Variants in BET1 observed in about 807,000 individuals in gnomAD.
BET1 encodes the protein Bet1 golgi vesicular membrane trafficking protein.
A neutral mutation model predicts 13.9 loss-of-function variants in BET1; 9 were observed. The ratio of observed to expected loss-of-function variants is 0.65; its 90% CI spans 0.39 to 1.13. BET1 has a LOEUF of 1.13. Ranked by LOEUF, BET1 falls within the 50% of genes most tolerant of loss-of-function variation. The pLI, the probability that BET1 is intolerant of heterozygous loss-of-function variation, is 0.01. For synonymous variants in BET1, 39 were observed against 47.3 expected (o/e 0.82, Z 0.72); for missense variants, 127 against 133.6 (o/e 0.95, Z 0.24).
intron 5 of BET1, among the ~76,000 whole-genome samples, chr7:93,974,632 G>A (rs1795308943): frequency 6.6e-6 from 1 of 151,928 alleles, no homozygotes; most frequent in Non-Finnish European, 1.5e-5. Context: ...ATAAGTATTT[G>A]AGTAGATACA....
chr7:93,978,961 C>T (rs909838873), intron 4 of BET1, among the ~76,000 whole-genome samples: 3 of 152,208 alleles, frequency 2.0e-5, no homozygotes, highest in East Asian at 1.9e-4. Context: ...ACTGTCTTCT[C>T]GTGTCTACCA....
At chr7:93,991,827 T>G (rs1795642863), downstream of BET1, 1 of 963,480 alleles carries the variant, frequency 1.0e-6, no homozygotes, top group Non-Finnish European at 1.2e-6. Flanking sequence ...GATGACATTA[T>G]TTATTATTTA....
At chr7:93,973,535 G>T (rs1381761945) in intron 5 of BET1, among the ~76,000 whole-genome samples, 1 of 151,862 alleles carries the variant, frequency 6.6e-6, no homozygotes, top group African/African-American at 2.4e-5. Context: ...TTTTCCATGT[G>T]AATTACTTGA....
At chr7:93,982,076 T>A (rs148210146) in intron 4 of BET1, among the ~76,000 whole-genome samples, 11 of 152,204 alleles carry the variant, frequency 7.2e-5, no homozygotes, top group Admixed American at 2.6e-4. Context: ...TGCTTAATTG[T>A]AGTGATGAAT....
chr7:94,004,087 T>C (rs1329261839), intron 1 of BET1, 111 bp downstream of exon 1: 2 of 1,490,064 alleles, frequency 1.3e-6, no homozygotes, highest in Admixed American at 1.7e-5. Context: ...CCTCTAGACA[T>C]CCTGTTTTTT....
At chr7:93,972,685 T>C (rs540058232) in intron 5 of BET1, 2 of 151,972 alleles carry the variant, frequency 1.3e-5, no homozygotes, top group South Asian at 4.2e-4. Flanking sequence ...TAAAATTGAA[T>C]ATTATTTTTT....
At chr7:93,967,635 A>G (rs1795195812) in intron 6 of BET1, among the ~76,000 whole-genome samples, 1 of 151,816 alleles carries the variant, frequency 6.6e-6, no homozygotes, top group Admixed American at 6.6e-5. Context: ...TCTATTAACA[A>G]TTCAAAGTGT....
At chr7:94,003,323 CT>C (rs1214095515) in intron 1 of BET1, among the ~76,000 whole-genome samples, 4 of 151,748 alleles carry the variant, frequency 2.6e-5, no homozygotes, top group African/African-American at 9.7e-5. Context: ...CTTTCACTGA[CT>C]TTAAATATCT....
intron 4 of BET1, among the ~76,000 whole-genome samples, chr7:93,986,604 G>T (rs909243730): frequency 6.6e-6 from 1 of 152,078 alleles, no homozygotes; most frequent in Non-Finnish European, 1.5e-5. Context: ...TCCCTGGTAA[G>T]ATGTCACCAC....
At chr7:93,999,733 G>A (rs778269987) in intron 1 of BET1, 2 of 456,022 alleles carry the variant, frequency 4.4e-6, no homozygotes, top group Non-Finnish European at 4.4e-6. Context: ...TAGCGGCGAG[G>A]GTTCTTTACT....
chr7:93,985,718 T>C (rs1795513795), intron 4 of BET1, among the ~76,000 whole-genome samples: 1 of 152,184 alleles, frequency 6.6e-6, no homozygotes, highest in African/African-American at 2.4e-5. Flanking sequence ...AATGTGCTTT[T>C]AACAGAGCAA....
chr7:93,997,814 A>G (rs1166078270), intron 2 of BET1, among the ~76,000 whole-genome samples: 1 of 152,234 alleles, frequency 6.6e-6, no homozygotes, highest in Non-Finnish European at 1.5e-5. Flanking sequence ...TAAGTGCTAT[A>G]TAGAATATAA....
At chr7:93,997,869 A>G (rs1446290929) in intron 2 of BET1, among the ~76,000 whole-genome samples, 2 of 152,234 alleles carry the variant, frequency 1.3e-5, no homozygotes, top group African/African-American at 4.8e-5. Context: ...TTCCTTTTAC[A>G]TACAAATAAT....
chr7:93,995,595 A>T (rs1415531288), intron 3 of BET1, among the ~76,000 whole-genome samples: 1 of 152,204 alleles, frequency 6.6e-6, no homozygotes, highest in Non-Finnish European at 1.5e-5. Context: ...TTAAAGACAG[A>T]ATCAGGCATA....
chr7:93,995,427 T>C (rs1425390299), intron 3 of BET1, among the ~76,000 whole-genome samples: 2 of 152,218 alleles, frequency 1.3e-5, no homozygotes, highest in East Asian at 1.9e-4. Context: ...TCAGTGTCTA[T>C]GTGGCTCATA....
At chr7:93,999,933 G>A (rs1795859251) in intron 1 of BET1, among the ~76,000 whole-genome samples, 2 of 152,032 alleles carry the variant, frequency 1.3e-5, no homozygotes, top group South Asian at 2.1e-4. Context: ...TTCTTTCTAG[G>A]TGCTACTTTT....
chr7:93,971,627 G>A (rs1247682283), intron 6 of BET1, among the ~76,000 whole-genome samples: 1 of 151,430 alleles, frequency 6.6e-6, no homozygotes, highest in Non-Finnish European at 1.5e-5. Flanking sequence ...TTTGTCCAAG[G>A]CTGTCCCTAT....
chr7:93,995,223 T>C (rs192404446), intron 3 of BET1, among the ~76,000 whole-genome samples: 2 of 152,260 alleles, frequency 1.3e-5, no homozygotes, highest in East Asian at 3.9e-4. Flanking sequence ...GAGAATATCA[T>C]ATAGAGGTAG....
At chr7:93,986,295 G>C (rs1051855730) in intron 4 of BET1, among the ~76,000 whole-genome samples, 1 of 152,130 alleles carries the variant, frequency 6.6e-6, no homozygotes, top group African/African-American at 2.4e-5. Context: ...GAAAGTTTTA[G>C]CTCTGAAAAT....
Sources: gnomAD v4.1 joint callset for allele counts (sites outside exome capture counted in the v4.1 genomes callset) on GRCh38, gnomAD v4.1.1 for gene constraint, MANE v1.5 for transcripts, NCBI Gene and HGNC (gene_info 2026-07-23, HGNC 2026-07-21) for gene names.